Variants in FNIP1 observed in about 807,000 individuals in gnomAD.
FNIP1 encodes folliculin interacting protein 1.
In FNIP1, 40 loss-of-function variants were observed where a neutral mutation model predicts 124.5. The observed-to-expected ratio is 0.32, with a 90% CI of 0.25 to 0.42. The LOEUF (loss-of-function observed/expected upper bound fraction) is 0.42. Ranked by LOEUF, FNIP1 falls within the 10% of genes least tolerant of loss-of-function variation. FNIP1 has a pLI of 1.00. For synonymous variants in FNIP1, 472 were observed against 470.6 expected (o/e 1.00, Z -0.04); for missense variants, 1,176 against 1,403.7 (o/e 0.84, Z 2.59).
intron 1 of FNIP1, among the ~76,000 whole-genome samples, chr5:131,745,040 T>A (rs1306656979): frequency 6.6e-6 from 1 of 151,764 alleles, no homozygotes; most frequent in African/African-American, 2.4e-5. Context: ...GATGACATAA[T>A]AAGGTTAACC....
Position 131,740,932 on chromosome 5 carries a change from T to C in FNIP1, c.219+3632A>G, listed in dbSNP as rs756952858. Among the ~76,000 whole-genome samples the C allele has an allele frequency of 1.4e-4, 22 of 152,204 alleles. 1 individual carries two copies. The highest frequency in any genetic ancestry group is 2.0e-4 in the Admixed American group (3 of 15,276). On this transcript the variant is annotated intron_variant, in intron 2 of 17. Transcript: ENST00000510461. ...CACTACTACACTCCCACCAGCTCCA[T>C]GACAGTTTACAAATGCCACTGGCAA...
chr5:131,744,195 T>A (rs1303888230), intron 2 of FNIP1, among the ~76,000 whole-genome samples: 1 of 151,740 alleles, frequency 6.6e-6, no homozygotes, highest in Non-Finnish European at 1.5e-5. Flanking sequence ...AAAAAAAAAC[T>A]TCAATAAATG....
At chr5:131,690,615 C>T (rs1429470968) in intron 11 of FNIP1, among the ~76,000 whole-genome samples, 1 of 152,156 alleles carries the variant, frequency 6.6e-6, no homozygotes, top group Non-Finnish European at 1.5e-5. Context: ...CTGAGGCCTC[C>T]ACAGCCATGC....
At chr5:131,774,563 T>C (rs148969654) in intron 1 of FNIP1, among the ~76,000 whole-genome samples, 7 of 152,316 alleles carry the variant, frequency 4.6e-5, no homozygotes, top group African/African-American at 1.7e-4. Flanking sequence ...TTCTCTGTTA[T>C]TATAAAAGAG....
At chr5:131,774,238 G>C (rs947817063) in intron 1 of FNIP1, among the ~76,000 whole-genome samples, 1 of 152,148 alleles carries the variant, frequency 6.6e-6, no homozygotes, top group African/African-American at 2.4e-5. Context: ...TTGTTGCCTA[G>C]GCTGGTCTTG....
chr5:131,703,562 G>A (rs1056469738), intron 10 of FNIP1, among the ~76,000 whole-genome samples: 27 of 152,172 alleles, frequency 1.8e-4, no homozygotes, highest in Admixed American at 1.4e-3. Context: ...TAAGGCCTTT[G>A]CCCCTGCCTG....
At chr5:131,750,545 A>C (rs533781853) in intron 1 of FNIP1, among the ~76,000 whole-genome samples, 1 of 152,288 alleles carries the variant, frequency 6.6e-6, no homozygotes, top group Non-Finnish European at 1.5e-5. Flanking sequence ...CAGGTAAGTC[A>C]ATAGACTATG....
At chr5:131,720,884 T>G (rs1455348986) in intron 3 of FNIP1, among the ~76,000 whole-genome samples, 1 of 152,210 alleles carries the variant, frequency 6.6e-6, no homozygotes, top group Non-Finnish European at 1.5e-5. Flanking sequence ...GTTGTAGGAA[T>G]GCAAAATGGT....
Position 131,655,066 on chromosome 5 carries a change from T to A in FNIP1, c.3109-3067A>T, listed in dbSNP as rs1767151301. On this transcript the variant is annotated intron_variant, in intron 15 of 17. Transcript: ENST00000510461. ...GCTGACCAACAACATGGGTTTGAAC[T>A]ACAGGTCCACTTAGATGCCAATTTT... 4.6e-5 allele frequency among the ~76,000 whole-genome samples: 7 copies of A among 152,238 alleles called. No individual in the cohort carries two copies. In the South Asian group the frequency reaches 1.4e-3, roughly 31 times the overall value.
At chr5:131,767,427 C>CAAAAAAAAAAAAAAAAAAAAAAAAAAAAA (rs139550903) in intron 1 of FNIP1, among the ~76,000 whole-genome samples, 2 of 63,992 alleles carry the variant, frequency 3.1e-5, no homozygotes, top group Non-Finnish European at 5.8e-5. Flanking sequence ...GATTCTGTCT[C>CAAAAAAAAAAAAAAAAAAAAAAAAAAAAA]AAAAAAAAAA....
intron 1 of FNIP1, 161 bp downstream of exon 1, chr5:131,796,669 C>T (rs973149583): frequency 1.4e-5 from 9 of 650,670 alleles, no homozygotes; most frequent in Middle Eastern, 4.2e-4. Flanking sequence ...CGCTCCAACC[C>T]TTCGGCGCTA....
At chr5:131,662,733 ATTTTTTTT>A (rs34051607) in intron 15 of FNIP1, among the ~76,000 whole-genome samples, 1 of 76,950 alleles carries the variant, frequency 1.3e-5, no homozygotes, top group Non-Finnish European at 2.4e-5. Flanking sequence ...GATATTCTAG[ATTTTTTTT>A]TTTTTTTTTT....
intron 2 of FNIP1, among the ~76,000 whole-genome samples, chr5:131,743,616 A>G (rs1262643120): frequency 2.0e-5 from 3 of 152,170 alleles, no homozygotes; most frequent in African/African-American, 7.2e-5. Context: ...CTAACCCACC[A>G]TGCGATATTA....
In FNIP1 at chr5:131,763,478, G is replaced by A. The variant is rs1210527119; in HGVS notation, c.93-18788C>T. 2.6e-5 allele frequency among the ~76,000 whole-genome samples: 4 copies of A among 152,270 alleles called. No homozygotes were observed. The South Asian group carries it at 8.3e-4, about 32-fold the overall frequency. On this transcript the variant is annotated intron_variant, in intron 1 of 17. Coordinates refer to ENST00000510461, the MANE Select transcript of FNIP1 (RefSeq NM_133372.3). Reference sequence around the variant, plus strand: ...TAGGCTGTACAGGAAGCATGATACTGGCATCTGCTCAGCTTCTGGGGAAGC... The same window carrying A: ...TAGGCTGTACAGGAAGCATGATACTAGCATCTGCTCAGCTTCTGGGGAAGC...
intron 15 of FNIP1, 50 bp from the exon 16 acceptor site, chr5:131,652,049 A>G: frequency 6.5e-7 from 1 of 1,546,908 alleles, no homozygotes. Context: ...GAAGTTTCCA[A>G]AGATAATGGT....
At chr5:131,738,358 G>A (rs893581000) in intron 2 of FNIP1, among the ~76,000 whole-genome samples, 2 of 152,072 alleles carry the variant, frequency 1.3e-5, no homozygotes, top group Non-Finnish European at 2.9e-5. Context: ...AATTGTCAAA[G>A]TGTTTTCTCA....
At chr5:131,711,303 A>C (rs559676658) in intron 6 of FNIP1, among the ~76,000 whole-genome samples, 2 of 152,204 alleles carry the variant, frequency 1.3e-5, no homozygotes, top group Non-Finnish European at 1.5e-5. Flanking sequence ...GTTCAAGAGA[A>C]GTGGCTGCCA....
rs2149515245 is a variant in FNIP1, at chr5:131,672,557, C to G, written c.1887G>C (p.Glu629Asp). The stretch of plus-strand genomic sequence containing the variant: ...TAGAGCTGTTTTGAATATCTTCTCT[C>G]TCTTGTTGTGAAATGTTCTCTACAT... ...GQNVENISQQ[E>D]REDIQNSSKE... is the part of the protein sequence containing the mutation. Residue 629 changes from glutamate to aspartate, a missense_variant, in exon 14 of 18, where the codon GAG (glutamate) becomes GAC (aspartate). Physicochemically the swap from Glu to Asp is conservative, Grantham distance 45. Around this residue, in one of 2 missense-constraint regions of FNIP1, gnomAD observed 1,109 missense variants for 1,288.5 expected, o/e 0.86. Transcript: ENST00000510461. 1.2e-6 allele frequency: 2 copies of G among 1,614,080 alleles called. No homozygotes were observed. Among genetic ancestry groups the G allele is most frequent in the Non-Finnish European group, 8.5e-7 (1 of 1,180,030 alleles).
Position 131,672,396 on chromosome 5 carries a change from C to G in FNIP1, c.2048G>C (p.Cys683Ser). The change falls in exon 14 of 18, where the codon TGC becomes TCC. Residue 683 changes from cysteine (C) to serine (S), a missense_variant. Cys to Ser is a moderately radical substitution (Grantham distance 112). Coordinates refer to ENST00000510461, the MANE Select transcript of FNIP1 (RefSeq NM_133372.3). Reference protein sequence around the residue: ...CFDAKLETVVCTGSVPVDKCA... With the variant: ...CFDAKLETVVSTGSVPVDKCA... ...TTTGTCTACTGGAACAGATCCTGTG[C>G]AAACAACTGTCTCTAACTTGGCGTC... 6.2e-7 allele frequency: 1 copy of G among 1,614,116 alleles called. No individual in the cohort carries two copies. The highest frequency in any genetic ancestry group is 1.1e-5 in the South Asian group (1 of 91,090).
Sources: allele counts gnomAD v4.1 joint callset (sites outside exome capture counted in the v4.1 genomes callset), GRCh38; gene constraint gnomAD v4.1.1; regional missense constraint gnomAD v4.1.1; transcripts MANE v1.5; gene names NCBI Gene and HGNC (gene_info 2026-07-23, HGNC 2026-07-21).